Variants in SFTPD observed in about 807,000 individuals in gnomAD.
SFTPD encodes the protein pulmonary surfactant-associated protein D.
SFTPD carries 18 observed loss-of-function variants against 34.6 expected under a neutral mutation model. That is an observed-to-expected ratio of 0.52 (90% CI 0.36 to 0.77). The LOEUF (loss-of-function observed/expected upper bound fraction) is 0.77. SFTPD is among the 30% of genes least tolerant of loss of function. The pLI, the probability that SFTPD is intolerant of heterozygous loss-of-function variation, is 0.00. For synonymous variants in SFTPD, 155 were observed against 180.9 expected, an observed-to-expected ratio of 0.86 and a Z score of 1.15; for missense variants, 433 against 468.9, an observed-to-expected ratio of 0.92 and a Z score of 0.71.
intron 7 of SFTPD, 147 bp from the exon 8 acceptor site, chr10:79,938,375 G>T: frequency 1.4e-6 from 1 of 707,056 alleles, no homozygotes; most frequent in Non-Finnish European, 2.3e-6. Flanking sequence ...AAGAGAGATT[G>T]TTCCAGAACA....
intron 1 of SFTPD, among the ~76,000 whole-genome samples, chr10:79,963,746 A>G (rs1374656613): frequency 2.6e-5 from 4 of 152,192 alleles, no homozygotes; most frequent in African/African-American, 9.7e-5. Context: ...ACTCCCACTT[A>G]TAAATGAGAA....
At chr10:79,965,582 A>ATT (rs1358787395) in intron 1 of SFTPD, among the ~76,000 whole-genome samples, 3 of 27,048 alleles carry the variant, frequency 1.1e-4, no homozygotes, top group African/African-American at 3.6e-4. Flanking sequence ...TTTATTTTTA[A>ATT]TGTTTTTTTT....
chr10:79,950,515 C>T (rs972765543), upstream of SFTPD: 2 of 152,222 alleles, frequency 1.3e-5, no homozygotes, highest in Admixed American at 6.5e-5. Context: ...AGACCCCAAT[C>T]TCTTCTGGCT....
rs1842622484 is a variant in SFTPD, at chr10:79,942,395, C to T, written c.426G>A (p.Gly142=). 6.2e-7 allele frequency: 1 copy of T among 1,608,488 alleles called. No homozygotes were observed. The highest frequency in any genetic ancestry group is 8.5e-7 in the Non-Finnish European group (1 of 1,175,044). The stretch of plus-strand genomic sequence containing the variant: ...CACAGACCAGCCACCTACCTTTGGG[C>T]CCAGCTTCTCCTTTTGGGCCTGGCT... ...QGKPGPKGEA[G]PKGEVGAPGM... The change falls in exon 4 of 8, where the codon GGG becomes GGA. Residue 142 remains glycine, a synonymous_variant. Coordinates refer to ENST00000372292, the MANE Select transcript of SFTPD (RefSeq NM_003019.5).
chr10:79,977,990 A>C (rs567775391), intron 1 of SFTPD, among the ~76,000 whole-genome samples: 1 of 152,352 alleles, frequency 6.6e-6, no homozygotes, highest in African/African-American at 2.4e-5. Flanking sequence ...TTCTTGACTT[A>C]CCCTGACAGT....
intron 1 of SFTPD, among the ~76,000 whole-genome samples, chr10:79,961,674 G>A (rs193216768): frequency 3.2e-4 from 48 of 152,304 alleles, no homozygotes; most frequent in Admixed American, 6.5e-4. Context: ...AGAGAAATAG[G>A]AACACTTTTA....
At chr10:79,945,289 A>G (rs1002060087) in intron 2 of SFTPD, among the ~76,000 whole-genome samples, 1 of 152,072 alleles carries the variant, frequency 6.6e-6, no homozygotes, top group African/African-American at 2.4e-5. Flanking sequence ...AGCTGCCAAG[A>G]TGAACCCCAC....
chr10:79,960,624 A>C (rs7097276), intron 1 of SFTPD, among the ~76,000 whole-genome samples: 98,322 of 148,452 alleles, frequency 0.66, 33,612 homozygotes, highest in African/African-American at 0.84. Flanking sequence ...AACTACAAAC[A>C]ACTGCTCAAT....
chr10:79,951,378 C>A (rs1157735318), upstream of SFTPD, among the ~76,000 whole-genome samples: 1 of 152,118 alleles, frequency 6.6e-6, no homozygotes, highest in East Asian at 1.9e-4. Context: ...GAAGGTGTGA[C>A]TGTATGTTGT....
chr10:79,948,399 G>A (rs723193), intron 1 of SFTPD, among the ~76,000 whole-genome samples: 4 of 152,152 alleles, frequency 2.6e-5, no homozygotes, highest in South Asian at 2.1e-4. Context: ...GGGCAGACCC[G>A]GGTTTTCAGG....
At chr10:79,968,618 A>G (rs1319601004) in intron 1 of SFTPD, 1 of 152,200 alleles carries the variant, frequency 6.6e-6, no homozygotes, top group African/African-American at 2.4e-5. Context: ...TAGTGTTGCA[A>G]TGAATATATG....
chr10:79,960,844 C>A (rs1438192490), intron 1 of SFTPD, among the ~76,000 whole-genome samples: 1 of 152,144 alleles, frequency 6.6e-6, no homozygotes, highest in Non-Finnish European at 1.5e-5. Context: ...CCAAGTCAAC[C>A]CTAAGCCAAA....
At chr10:79,951,133 C>T (rs1842707809), upstream of SFTPD, 1 of 151,984 alleles carries the variant, frequency 6.6e-6, no homozygotes, top group South Asian at 2.1e-4. Flanking sequence ...TCAACTTTCT[C>T]TTGTATCTCA....
chr10:79,951,027 G>A (rs1014542923), upstream of SFTPD: 2 of 151,774 alleles, frequency 1.3e-5, no homozygotes, highest in African/African-American at 4.8e-5. Flanking sequence ...TTTATTTCTA[G>A]AAGTTCTATT....
Position 79,941,513 on chromosome 10 carries a change from C to T in SFTPD, c.552G>A (p.Gly184=), listed in dbSNP as rs1842611213. ...RGVPGNTGAA[G]SAGAMGPQGS... ...CCTGGGGACCCATGGCTCCAGCAGA[C>T]CCTGGGGTAAAAGAAGAACTGGGTG... Residue 184 remains glycine, a splice_region_variant and synonymous_variant, in exon 6 of 8, where the codon GGG becomes GGA. Transcript: ENST00000372292. 6.3e-7 allele frequency: 1 copy of T among 1,589,916 alleles called. No individual in the cohort carries two copies. The highest frequency in any genetic ancestry group is 1.4e-5 in the African/African-American group (1 of 73,274).
intron 1 of SFTPD, chr10:79,982,240 C>T: frequency 1.2e-6 from 1 of 834,910 alleles, no homozygotes; most frequent in Non-Finnish European, 1.6e-6. Context: ...ACGGAGGAGC[C>T]AATGGGACCG....
chr10:79,963,988 G>T (rs1441777587), intron 1 of SFTPD, among the ~76,000 whole-genome samples: 1 of 151,924 alleles, frequency 6.6e-6, no homozygotes, highest in Non-Finnish European at 1.5e-5. Context: ...GATCATACTT[G>T]GTTTATTGAT....
chr10:79,981,976 C>G, intron 1 of SFTPD: 1 of 305,958 alleles, frequency 3.3e-6, no homozygotes, highest in South Asian at 3.7e-5. Context: ...CCCGTGCCCG[C>G]GTCAGGCCGC....
chr10:79,970,158 G>T lies in SFTPD; in HGVS notation c.36+12417C>A, dbSNP rs148502772. The stretch of plus-strand genomic sequence containing the variant: ...GTTGTCTCCCCATTGAGTGTTCTTG[G>T]CATCTTTTTCAAAAATCAGTTGGCT... On this transcript the variant is annotated intron_variant, in intron 1 of 5. Coordinates refer to the SFTPD transcript ENST00000444384. 9 of 152,150 alleles carry T rather than the reference G, an allele frequency of 5.9e-5. No individual in the cohort carries two copies. The East Asian group carries it at 1.7e-3, about 29-fold the overall frequency. 9.4% of individuals were successfully genotyped at this position (152,150 alleles called of 1,614,324 possible). A position where few individuals can be genotyped will look rare whatever the true frequency, so the allele number is the denominator to read the frequency against.
Sources: allele counts gnomAD v4.1 joint callset (sites outside exome capture counted in the v4.1 genomes callset), GRCh38; gene constraint gnomAD v4.1.1; transcripts MANE v1.5; gene names NCBI Gene and HGNC (gene_info 2026-07-23, HGNC 2026-07-21).